Variants in GATAD2A observed in about 807,000 individuals in gnomAD.
GATAD2A encodes the protein GATA zinc finger domain containing 2A.
Under a neutral mutation model 68.5 loss-of-function variants are expected in GATAD2A, and 12 were observed. The ratio of observed to expected loss-of-function variants is 0.18; its 90% CI spans 0.11 to 0.28. The LOEUF (loss-of-function observed/expected upper bound fraction) is 0.28, where lower values mean the gene tolerates loss of function less well. Ranked by LOEUF, GATAD2A falls within the 10% of genes least tolerant of loss-of-function variation. The probability of loss-of-function intolerance (pLI) is 1.00; values close to 1 mark genes in which losing one functional copy is unlikely to be tolerated. For synonymous variants in GATAD2A, 410 were observed against 375.3 expected (o/e 1.09, Z -1.07); for missense variants, 755 against 868.5 (o/e 0.87, Z 1.64).
At chr19:19,441,026 C>A (rs1363054570) in intron 1 of GATAD2A, among the ~76,000 whole-genome samples, 1 of 144,200 alleles carries the variant, frequency 6.9e-6, no homozygotes, top group Non-Finnish European at 1.5e-5. Flanking sequence ...CCTTCCCTTC[C>A]TTCCCTTCCT....
At chr19:19,501,516 C>T (rs2060520820) in intron 9 of GATAD2A, 100 bp downstream of exon 9, 12 of 929,844 alleles carry the variant, frequency 1.3e-5, no homozygotes, top group South Asian at 5.2e-5. Context: ...GTTAACTGCA[C>T]GTCTAAATTG....
intron 1 of GATAD2A, chr19:19,435,054 G>A (rs1372470490): frequency 1.9e-6 from 1 of 528,902 alleles, no homozygotes; most frequent in South Asian, 1.4e-5. Context: ...CGTGCTGCCT[G>A]TGTGCTCTGT....
chr19:19,471,221 A>T (rs1202064972), intron 2 of GATAD2A, among the ~76,000 whole-genome samples: 2 of 147,796 alleles, frequency 1.4e-5, no homozygotes, highest in Non-Finnish European at 3.0e-5. Flanking sequence ...GTGCCGCTGT[A>T]CTCCAGCCTG....
At chr19:19,414,530 CTTTTTTT>C (rs758728889) in intron 1 of GATAD2A, among the ~76,000 whole-genome samples, 22 of 70,216 alleles carry the variant, frequency 3.1e-4, no homozygotes, top group African/African-American at 8.4e-4. Context: ...AGGGCCTTGT[CTTTTTTT>C]TTTTTTTTTT....
chr19:19,477,719 G>C (rs939135386), intron 2 of GATAD2A, among the ~76,000 whole-genome samples: 5 of 152,220 alleles, frequency 3.3e-5, no homozygotes, highest in African/African-American at 1.2e-4. Context: ...GATGCTCTGA[G>C]CCTAGGTGGA....
intron 1 of GATAD2A, among the ~76,000 whole-genome samples, chr19:19,388,775 C>T (rs2048636928): frequency 6.6e-6 from 1 of 152,054 alleles, no homozygotes; most frequent in Non-Finnish European, 1.5e-5. Context: ...TTAACCTTCC[C>T]TCCCCGTGCT....
At chr19:19,474,051 G>A in intron 2 of GATAD2A, 1 of 985,194 alleles carries the variant, frequency 1.0e-6, no homozygotes. Flanking sequence ...CCACCCAGTT[G>A]TCCAGAACGT....
rs1032530625 is a variant in GATAD2A at position 19,495,696 on chromosome 19, T to TA, written c.625-51dup. On this transcript the variant is annotated intron_variant, in intron 5 of 11. Transcript: ENST00000683918. ...ATAAAAGCAGCAAAACTGCTTGCTT[T>TA]AAAAAAAGTGTGGGGGGGTCCGGTC... 171 of 1,503,786 alleles carry TA rather than the reference T, an allele frequency of 1.1e-4. 1 individual carries two copies. The highest frequency in any genetic ancestry group is 3.7e-4 in the Middle Eastern group (2 of 5,414). 93.2% of individuals were successfully genotyped at this position (1,503,786 alleles called of 1,614,324 possible).
At chr19:19,387,002 A>T (rs1200223587) in intron 1 of GATAD2A, among the ~76,000 whole-genome samples, 1 of 151,108 alleles carries the variant, frequency 6.6e-6, no homozygotes, top group Non-Finnish European at 1.5e-5. Context: ...TCTCTGAGGG[A>T]CCCCTGCCTC....
chr19:19,482,127 G>C (rs183008117), intron 2 of GATAD2A, among the ~76,000 whole-genome samples: 1 of 151,622 alleles, frequency 6.6e-6, no homozygotes, highest in African/African-American at 2.4e-5. Flanking sequence ...AAATATGACC[G>C]AGCGCGGTGG....
intron 1 of GATAD2A, among the ~76,000 whole-genome samples, chr19:19,410,450 A>G (rs1251169431): frequency 6.6e-6 from 1 of 152,034 alleles, no homozygotes; most frequent in Non-Finnish European, 1.5e-5. Flanking sequence ...GTGGTACAGG[A>G]TTGGGGAGAA....
At chr19:19,437,746 C>A (rs1028244734) in intron 1 of GATAD2A, among the ~76,000 whole-genome samples, 1 of 152,192 alleles carries the variant, frequency 6.6e-6, no homozygotes, top group African/African-American at 2.4e-5. Context: ...AAGCATGAAT[C>A]AGTGCTTCTT....
chr19:19,496,338 T>C (rs1264140316), intron 7 of GATAD2A, 119 bp downstream of exon 7: 1 of 940,190 alleles, frequency 1.1e-6, no homozygotes, highest in East Asian at 2.4e-5. Flanking sequence ...TGACCTGCCT[T>C]GCTCTTTCAG....
intron 1 of GATAD2A, among the ~76,000 whole-genome samples, chr19:19,408,537 G>A (rs891973899): frequency 1.3e-5 from 2 of 152,084 alleles, no homozygotes; most frequent in Non-Finnish European, 2.9e-5. Flanking sequence ...GCGTGTGTGT[G>A]TATGTTTTTA....
intron 1 of GATAD2A, among the ~76,000 whole-genome samples, chr19:19,413,915 T>G (rs924939079): frequency 2.6e-5 from 4 of 152,312 alleles, no homozygotes; most frequent in Middle Eastern, 3.4e-3. Context: ...TACGTTCGTT[T>G]GATGAACTGA....
At chr19:19,458,517 G>A (rs2147926010) in intron 1 of GATAD2A, 1 of 152,294 alleles carries the variant, frequency 6.6e-6, no homozygotes, top group South Asian at 2.1e-4. Context: ...AAGATGAATG[G>A]TGAAAAAAAG....
chr19:19,394,991 A>G (rs547129694), intron 1 of GATAD2A, among the ~76,000 whole-genome samples: 8 of 151,940 alleles, frequency 5.3e-5, no homozygotes, highest in Non-Finnish European at 1.0e-4. Flanking sequence ...CTGGAGGTGG[A>G]GAGGCAGGCC....
chr19:19,423,929 C>A (rs1280379238), intron 1 of GATAD2A, among the ~76,000 whole-genome samples: 1 of 152,140 alleles, frequency 6.6e-6, no homozygotes. Flanking sequence ...CCTTTATGTT[C>A]TTTTCTTTTA....
At chr19:19,501,684 T>C (rs2060534853) in intron 9 of GATAD2A, among the ~76,000 whole-genome samples, 1 of 152,252 alleles carries the variant, frequency 6.6e-6, no homozygotes, top group Non-Finnish European at 1.5e-5. Flanking sequence ...GGAAAAATGT[T>C]CTTGCTAAAT....
Sources: gnomAD v4.1 joint callset for allele counts (sites outside exome capture counted in the v4.1 genomes callset) on GRCh38, gnomAD v4.1.1 for gene constraint, MANE v1.5 for transcripts, NCBI Gene and HGNC (gene_info 2026-07-23, HGNC 2026-07-21) for gene names.